Variants in DCLRE1A observed in about 807,000 individuals in gnomAD.
DCLRE1A encodes DNA cross-link repair 1A.
In DCLRE1A, 64 loss-of-function variants were observed where a neutral mutation model predicts 91.9. That is an observed-to-expected ratio of 0.70 (90% confidence interval 0.57 to 0.86). The LOEUF is 0.86. Ranked by LOEUF, DCLRE1A falls within the 40% of genes least tolerant of loss-of-function variation. The pLI, the probability that DCLRE1A is intolerant of heterozygous loss-of-function variation, is 0.00. For missense variants in DCLRE1A, 1,145 were observed against 1,213.3 expected (o/e 0.94, Z 0.84); for synonymous variants, 416 against 431.1 (o/e 0.96, Z 0.43).
Position 113,850,039 on chromosome 10 carries a change from C to T in DCLRE1A, c.1066G>A (p.Asp356Asn). ...CTGTTCACTTTGGGGCAGCTCTCAT[C>T]CTGGTCCTTCAGTAAGGGACCATGT... ...KRHGPLLKDQ[D>N]ESCPKVNSFL... The change falls in exon 2 of 9, where the codon GAT (aspartate) becomes AAT (asparagine). Residue 356 changes from aspartate to asparagine, a missense_variant. Asp to Asn is a conservative substitution (Grantham distance 23). Transcript: ENST00000361384. 1 of 1,614,172 alleles carries T rather than the reference C, an allele frequency of 6.2e-7. No homozygotes were observed. The highest frequency in any genetic ancestry group is 8.5e-7 in the Non-Finnish European group (1 of 1,180,034).
chr10:113,845,659 G>A (rs1446221769), intron 4 of DCLRE1A, 26 bp downstream of exon 4: 2 of 1,527,228 alleles, frequency 1.3e-6, no homozygotes, highest in Non-Finnish European at 1.8e-6. Flanking sequence ...TAAAAAATGT[G>A]CTATTAAGAT....
chr10:113,853,020 C>T lies in DCLRE1A; in HGVS notation c.163G>A (p.Ala55Thr), dbSNP rs766578108. 32 of 1,613,780 alleles carry T rather than the reference C, an allele frequency of 2.0e-5. No homozygotes were observed. The highest frequency in any genetic ancestry group is 5.0e-5 in the Admixed American group (3 of 59,940). Residue 55 changes from alanine to threonine, a missense_variant, in exon 1 of 9, where the codon GCA becomes ACA. Coordinates refer to ENST00000361384, the MANE Select transcript of DCLRE1A (RefSeq NM_014881.5). ...TGGTCCTTCACCTCTTTAGCTTCTG[C>T]GGCTCTTTTTCTGTTTCTACTCCGT... The part of the protein sequence containing the change: ...SKRSRNRKRA[A>T]EAKEVKDHEV...
Position 113,844,326 on chromosome 10 carries a change from G to C in DCLRE1A, c.2379-82C>G, listed in dbSNP as rs1199728844. ...TATCTATTTCAATATCAACAAGTTA[G>C]CACGCTTTATTAGCTGACCACAATG... On this transcript the variant is annotated intron_variant, in intron 4 of 8. Transcript: ENST00000361384. 4 of 1,543,754 alleles carry C rather than the reference G, an allele frequency of 2.6e-6. No homozygotes were observed. In the Admixed American group the frequency reaches 7.5e-5, roughly 29 times the overall value.
chr10:113,840,997 T>G (rs1371982574), intron 7 of DCLRE1A, among the ~76,000 whole-genome samples: 2 of 152,168 alleles, frequency 1.3e-5, no homozygotes, highest in African/African-American at 4.8e-5. Flanking sequence ...TTTTCAATAT[T>G]TATCAATCTA....
chr10:113,835,577 G>C (rs1000954082), intron 8 of DCLRE1A, among the ~76,000 whole-genome samples: 1 of 152,126 alleles, frequency 6.6e-6, no homozygotes, highest in Non-Finnish European at 1.5e-5. Context: ...TATGTGCTGG[G>C]GGAGGGGCCT....
At chr10:113,843,962 T>G in intron 5 of DCLRE1A, 142 bp downstream of exon 5, 1 of 1,147,934 alleles carries the variant, frequency 8.7e-7, no homozygotes, top group Non-Finnish European at 1.2e-6. Context: ...TAAGCAAGTA[T>G]ATACATATTT....
chr10:113,844,306 A>G, intron 4 of DCLRE1A, 62 bp from the exon 5 acceptor site: 2 of 1,590,026 alleles, frequency 1.3e-6, no homozygotes, highest in Admixed American at 3.5e-5. Flanking sequence ...AACAGTATCT[A>G]TTTCAATATC....
Position 113,853,154 on chromosome 10 carries a change from A to C in DCLRE1A, c.29T>G (p.Ile10Ser). Residue 10 changes from isoleucine to serine, a missense_variant, in exon 1 of 9, where the codon ATT becomes AGT. Transcript: ENST00000361384. Reference protein sequence around the residue: MLEDISEEDIWEYKSKRKPK... With the variant: MLEDISEEDSWEYKSKRKPK... The stretch of plus-strand genomic sequence containing the variant: ...TTTTCTTTTAGATTTGTATTCCCAA[A>C]TGTCTTCTTCGGAAATGTCTTCTAA... 2 of 1,578,384 alleles carry C rather than the reference A, an allele frequency of 1.3e-6. No individual in the cohort carries two copies. Among genetic ancestry groups the C allele is most frequent in the Non-Finnish European group, 1.7e-6 (2 of 1,169,012 alleles).
intron 4 of DCLRE1A, among the ~76,000 whole-genome samples, chr10:113,844,861 G>A (rs751285597): frequency 4.0e-5 from 6 of 151,820 alleles, no homozygotes; most frequent in African/African-American, 9.7e-5. Context: ...ACTTGAACCC[G>A]GGAGGCAGAG....
chr10:113,845,835 A>T, intron 3 of DCLRE1A, 32 bp from the exon 4 acceptor site: 1 of 1,481,364 alleles, frequency 6.8e-7, no homozygotes, highest in Non-Finnish European at 9.4e-7. Context: ...TTGCTGATGC[A>T]GTAAAACACT....
Position 113,842,337 on chromosome 10 carries a change from A to G in DCLRE1A, c.2665+6T>C. 2.5e-6 allele frequency: 4 copies of G among 1,610,980 alleles called. No homozygotes were observed. The highest frequency in any genetic ancestry group is 3.4e-6 in the Non-Finnish European group (4 of 1,178,084). Reference sequence around the variant, plus strand: ...TTAATGTAAATTAGATACACCTACAACTCACCTAGGAAGACTTTCTCTTTT... The same window carrying G: ...TTAATGTAAATTAGATACACCTACAGCTCACCTAGGAAGACTTTCTCTTTT... On this transcript the variant is annotated splice_donor_region_variant and intron_variant, in intron 6 of 8. Transcript: ENST00000361384.
intron 7 of DCLRE1A, 98 bp downstream of exon 7, chr10:113,841,308 A>T (rs1845441461): frequency 7.3e-7 from 1 of 1,369,448 alleles, no homozygotes; most frequent in Non-Finnish European, 9.9e-7. Context: ...ACTATGGGTG[A>T]CTCTATTATA....
intron 6 of DCLRE1A, among the ~76,000 whole-genome samples, chr10:113,842,020 C>A (rs1845453140): frequency 6.6e-6 from 1 of 152,106 alleles, no homozygotes; most frequent in Admixed American, 6.6e-5. Context: ...TAATTATTAT[C>A]CTCAAAGAAT....
chr10:113,849,651 G>GT lies in DCLRE1A; in HGVS notation c.1453dup (p.Thr485AsnfsTer3). On this transcript the variant is annotated frameshift_variant, in exon 2 of 9. Coordinates refer to ENST00000361384, the MANE Select transcript of DCLRE1A (RefSeq NM_014881.5). LOFTEE classifies it high-confidence loss of function. ...GTTCTCACTTGATAATTTTCTAATT[G>GT]TATTTTGGGTTGGTTGGGAAGAAAG... 1 of 1,614,158 alleles carries GT rather than the reference G, an allele frequency of 6.2e-7. No individual in the cohort carries two copies. Among genetic ancestry groups the GT allele is most frequent in the Non-Finnish European group, 8.5e-7 (1 of 1,180,030 alleles).
intron 5 of DCLRE1A, 126 bp downstream of exon 5, chr10:113,843,978 A>G (rs1178097413): frequency 1.5e-6 from 2 of 1,325,220 alleles, no homozygotes; most frequent in Non-Finnish European, 2.0e-6. Context: ...TATTTTTCAA[A>G]CAGCATCCCT....
chr10:113,847,856 G>C lies in DCLRE1A; in HGVS notation c.2126-521C>G, dbSNP rs17228730. On this transcript the variant is annotated intron_variant, in intron 2 of 8. Coordinates refer to ENST00000361384, the MANE Select transcript of DCLRE1A (RefSeq NM_014881.5). ...ACAAGAAAAAAAAATGCCTAAAAAG[G>C]CTCCTTAGAGGAGCAGTAATGAAGA... Among the ~76,000 whole-genome samples, 539 of 152,230 alleles carry C rather than the reference G, an allele frequency of 3.5e-3. 4 individuals carry two copies. The highest frequency in any genetic ancestry group is 0.012 in the African/African-American group (507 of 41,528).
intron 1 of DCLRE1A, among the ~76,000 whole-genome samples, chr10:113,851,184 A>G (rs984799973): frequency 6.6e-6 from 1 of 152,196 alleles, no homozygotes; most frequent in African/African-American, 2.4e-5. Context: ...ATTTTACCCT[A>G]AGGTCTTCAA....
intron 3 of DCLRE1A, among the ~76,000 whole-genome samples, chr10:113,846,933 C>T (rs1386456083): frequency 6.6e-6 from 1 of 152,162 alleles, no homozygotes; most frequent in Non-Finnish European, 1.5e-5. Context: ...TTTAGGCTTT[C>T]AGTGAATGTT....
In DCLRE1A at chr10:113,853,086, T is replaced by A; in HGVS notation, c.97A>T (p.Lys33Ter). The A allele has an allele frequency of 6.2e-7, 1 of 1,611,500 alleles. No individual in the cohort carries two copies. The highest frequency in any genetic ancestry group is 8.5e-7 in the Non-Finnish European group (1 of 1,179,548). ...DPNNGSKNIL[K>*]SVEKATDGKY... Reference sequence around the variant, plus strand: ...CCATCTGTTGCTTTTTCAACAGATTTTAGAATATTTTTAGAGCCATTATTT... The same window carrying A: ...CCATCTGTTGCTTTTTCAACAGATTATAGAATATTTTTAGAGCCATTATTT... The change falls in exon 1 of 9, where the codon AAA (lysine) becomes TAA (stop). Residue 33 changes from lysine to a stop codon, truncating the protein, a stop_gained. Coordinates refer to ENST00000361384, the MANE Select transcript of DCLRE1A (RefSeq NM_014881.5). LOFTEE classifies it high-confidence loss of function.
Sources: allele counts gnomAD v4.1 joint callset (sites outside exome capture counted in the v4.1 genomes callset), GRCh38; gene constraint gnomAD v4.1.1; transcripts MANE v1.5; gene names NCBI Gene and HGNC (gene_info 2026-07-23, HGNC 2026-07-21).